The following DLG2 variants were observed in gnomAD, a reference collection of about 807,000 sequenced individuals.
DLG2 encodes the protein disks large homolog 2.
A neutral mutation model predicts 132.5 loss-of-function variants in DLG2; 45 were observed. The observed-to-expected ratio is 0.34, with a 90% confidence interval of 0.27 to 0.44. The LOEUF (loss-of-function observed/expected upper bound fraction) is 0.44. DLG2 is among the 20% of genes least tolerant of loss of function. DLG2 has a pLI of 1.00. For missense variants in DLG2, 1,045 were observed against 1,196.9 expected (o/e 0.87, Z 1.87); for synonymous variants, 424 against 419.6 (o/e 1.01, Z -0.13).
intron 6 of DLG2, among the ~76,000 whole-genome samples, chr11:84,843,893 T>C (rs10898307): frequency 0.84 from 127,160 of 150,894 alleles, 54,574 homozygotes; most frequent in Middle Eastern, 0.97. Context: ...TTTCTTTATT[T>C]ATCTCTATAA....
intron 7 of DLG2, among the ~76,000 whole-genome samples, chr11:84,461,856 T>C (rs1479080121): frequency 6.6e-6 from 1 of 150,864 alleles, no homozygotes; most frequent in African/African-American, 2.4e-5. Flanking sequence ...ATTTTATGTA[T>C]TGTGTTTCTA....
intron 3 of DLG2, among the ~76,000 whole-genome samples, chr11:85,443,692 A>T (rs1243796047): frequency 2.8e-4 from 43 of 152,250 alleles, no homozygotes. Flanking sequence ...AATGATTAAA[A>T]TAGTAAGCAA....
intron 6 of DLG2, among the ~76,000 whole-genome samples, chr11:84,987,571 A>G (rs979627775): frequency 1.3e-4 from 20 of 152,208 alleles, no homozygotes; most frequent in Non-Finnish European, 2.5e-4. Context: ...AAAAATAGGC[A>G]CATAGACGAA....
chr11:85,393,324 T>A (rs1422815536), intron 3 of DLG2, among the ~76,000 whole-genome samples: 1 of 152,174 alleles, frequency 6.6e-6, no homozygotes, highest in East Asian at 1.9e-4. Flanking sequence ...CAAAAAATAA[T>A]AGTTGTTAGC....
chr11:84,184,065 T>A (rs1189410462), intron 8 of DLG2, among the ~76,000 whole-genome samples: 8 of 152,066 alleles, frequency 5.3e-5, no homozygotes, highest in African/African-American at 9.7e-5. Flanking sequence ...TAGCAGCATG[T>A]TTTATAATCC....
At chr11:84,424,444 C>A (rs1334352136) in intron 7 of DLG2, among the ~76,000 whole-genome samples, 2 of 151,904 alleles carry the variant, frequency 1.3e-5, no homozygotes, top group Non-Finnish European at 2.9e-5. Context: ...ACATTATATT[C>A]ATTTAAAAAA....
chr11:84,334,594 C>T (rs1302733578), intron 7 of DLG2, among the ~76,000 whole-genome samples: 1 of 152,074 alleles, frequency 6.6e-6, no homozygotes, highest in Admixed American at 6.6e-5. Flanking sequence ...TATAGGAAAA[C>T]AATTTGGGTG....
At chr11:84,590,778 A>G (rs1167097452) in intron 6 of DLG2, among the ~76,000 whole-genome samples, 1 of 152,130 alleles carries the variant, frequency 6.6e-6, no homozygotes, top group Non-Finnish European at 1.5e-5. Flanking sequence ...GCAGAAGTTC[A>G]CCTCTCATAG....
chr11:84,363,801 G>C (rs550160074), intron 7 of DLG2, among the ~76,000 whole-genome samples: 66 of 151,614 alleles, frequency 4.4e-4, no homozygotes, highest in African/African-American at 1.5e-3. Context: ...TCTCAGGTTT[G>C]TCAAAGATCA....
intron 6 of DLG2, among the ~76,000 whole-genome samples, chr11:84,957,627 TTA>T (rs2051891054): frequency 6.6e-6 from 1 of 152,198 alleles, no homozygotes; most frequent in South Asian, 2.1e-4. Flanking sequence ...TCGAAGTGTT[TTA>T]TCCATTTATT....
intron 8 of DLG2, among the ~76,000 whole-genome samples, chr11:84,207,962 A>G (rs1011067169): frequency 6.6e-6 from 1 of 152,180 alleles, no homozygotes; most frequent in East Asian, 1.9e-4. Flanking sequence ...TACATGGGGA[A>G]AAAAGGCTCA....
chr11:83,515,729 G>C (rs1183184797), intron 21 of DLG2, among the ~76,000 whole-genome samples: 13 of 152,128 alleles, frequency 8.5e-5, no homozygotes, highest in Non-Finnish European at 1.5e-4. Flanking sequence ...TTGTGTCTTT[G>C]TTCTGGTTGG....
intron 4 of DLG2, among the ~76,000 whole-genome samples, chr11:85,268,567 TA>T (rs1403171208): frequency 1.3e-5 from 2 of 152,226 alleles, no homozygotes; most frequent in African/African-American, 4.8e-5. Context: ...ATAAAATTTC[TA>T]AATTAAGCGA....
intron 7 of DLG2, among the ~76,000 whole-genome samples, chr11:84,425,573 G>T: frequency 6.6e-6 from 1 of 152,080 alleles, no homozygotes; most frequent in East Asian, 1.9e-4. Flanking sequence ...TAAAATAATG[G>T]ATATTTGAAC....
chr11:83,506,106 A>G (rs563761551), intron 21 of DLG2, among the ~76,000 whole-genome samples: 1 of 152,188 alleles, frequency 6.6e-6, no homozygotes, highest in Non-Finnish European at 1.5e-5. Context: ...CACTTAGTTC[A>G]TGATTGGCAG....
intron 8 of DLG2, among the ~76,000 whole-genome samples, chr11:84,187,449 C>T (rs1024729445): frequency 6.6e-6 from 1 of 151,968 alleles, no homozygotes; most frequent in African/African-American, 2.4e-5. Context: ...TCTCCCTTGT[C>T]ATCACAAAGA....
intron 3 of DLG2, among the ~76,000 whole-genome samples, chr11:85,471,292 T>C (rs117715333): frequency 1.4e-3 from 207 of 152,272 alleles, no homozygotes; most frequent in Middle Eastern, 3.4e-3. Flanking sequence ...AGTTAAGATA[T>C]ATAAACATAG....
At chr11:84,651,196 C>A (rs2099681644) in intron 6 of DLG2, among the ~76,000 whole-genome samples, 1 of 152,000 alleles carries the variant, frequency 6.6e-6, no homozygotes, top group African/African-American at 2.4e-5. Context: ...AGCATCCTCT[C>A]CCTTCATCTC....
At chr11:85,484,422 A>C (rs1334304746) in intron 3 of DLG2, among the ~76,000 whole-genome samples, 1 of 151,050 alleles carries the variant, frequency 6.6e-6, no homozygotes, top group Non-Finnish European at 1.5e-5. Flanking sequence ...GCAACCTACA[A>C]AATGGGAGAA....
Sources: allele counts gnomAD v4.1 joint callset (sites outside exome capture counted in the v4.1 genomes callset), GRCh38; gene constraint gnomAD v4.1.1; transcripts MANE v1.5; gene names NCBI Gene and HGNC (gene_info 2026-07-23, HGNC 2026-07-21).